The following NLRP5 variants were observed in gnomAD, a reference collection of about 807,000 sequenced individuals.
NLRP5 encodes NACHT, LRR and PYD domains-containing protein 5.
In NLRP5, 93 loss-of-function variants were observed where a neutral mutation model predicts 113.1. The observed-to-expected ratio is 0.82, with a 90% CI of 0.70 to 0.98. NLRP5 has a LOEUF of 0.98. Among genes scored for constraint, NLRP5 ranks in the 50% least tolerant of loss-of-function variants. NLRP5 has a pLI of 0.00. For synonymous variants in NLRP5, 751 were observed against 600.7 expected (o/e 1.25, Z -3.66); for missense variants, 1,808 against 1,514.3 (o/e 1.19, Z -3.22).
upstream of NLRP5, among the ~76,000 whole-genome samples, chr19:55,998,325 C>G (rs930257857): frequency 1.3e-5 from 2 of 152,076 alleles, no homozygotes; most frequent in African/African-American, 4.8e-5. Context: ...TCACCACACT[C>G]CAGCCTGAGG....
chr19:55,992,612 A>G, the NLRP5 span, among the ~76,000 whole-genome samples: 2 of 152,074 alleles, frequency 1.3e-5, no homozygotes, highest in African/African-American at 2.4e-5. Context: ...CCCATTGCCC[A>G]GTTTTGTAAA....
At chr19:56,046,776 C>G (rs56968568) in intron 11 of NLRP5, among the ~76,000 whole-genome samples, 7,345 of 152,252 alleles carry the variant, frequency 0.048, 282 homozygotes, top group African/African-American at 0.11. Flanking sequence ...TCGTGATCTG[C>G]CCGCCTCGGC....
intron 7 of NLRP5, among the ~76,000 whole-genome samples, chr19:56,031,271 C>G (rs1042646932): frequency 1.3e-5 from 2 of 152,142 alleles, no homozygotes; most frequent in Admixed American, 1.3e-4. Flanking sequence ...AACTCCATCT[C>G]CCCTGCTCCC....
chr19:56,011,477 T>C (rs1433537791), intron 3 of NLRP5, among the ~76,000 whole-genome samples: 1 of 152,168 alleles, frequency 6.6e-6, no homozygotes, highest in East Asian at 1.9e-4. Context: ...GTGAATTGTA[T>C]GATTTGTGAA....
rs779091654 is a variant in NLRP5, at chr19:56,027,028, G to A, written c.795G>A (p.Thr265=). ...CTGCTGACTGGCCGGAAATGCAAAC[G>A]TTGGCTGGTGCTTTTGATTCAGACC... Residue 265 remains threonine (T), a synonymous_variant, in exon 7 of 15, where the codon ACG becomes ACA. Coordinates refer to ENST00000390649, the MANE Select transcript of NLRP5 (RefSeq NM_153447.4). 8.4e-6 allele frequency: 13 copies of A among 1,552,258 alleles called. No individual in the cohort carries two copies. Among genetic ancestry groups the A allele is most frequent in the African/African-American group, 2.7e-5 (2 of 73,080 alleles).
chr19:56,026,527 C>CAAAAAAAAAA (rs375845864), intron 6 of NLRP5, among the ~76,000 whole-genome samples: 1 of 40,344 alleles, frequency 2.5e-5, no homozygotes, highest in Admixed American at 4.9e-4. Context: ...GACTCCATCT[C>CAAAAAAAAAA]AAAAAAAAAA....
chr19:56,020,760 G>A (rs953603924), intron 6 of NLRP5, among the ~76,000 whole-genome samples: 35 of 150,906 alleles, frequency 2.3e-4, no homozygotes, highest in African/African-American at 8.3e-4. Flanking sequence ...AAACTTAAGT[G>A]GTAGTAATTA....
chr19:56,052,391 C>T (rs1983965319), intron 12 of NLRP5, among the ~76,000 whole-genome samples: 1 of 152,142 alleles, frequency 6.6e-6, no homozygotes, highest in South Asian at 2.1e-4. Context: ...GCCTCAGCCT[C>T]CCGAGAAGCT....
intron 10 of NLRP5, among the ~76,000 whole-genome samples, chr19:56,040,717 C>T (rs976800289): frequency 6.6e-6 from 1 of 152,190 alleles, no homozygotes; most frequent in African/African-American, 2.4e-5. Context: ...TCTAATCACC[C>T]ACAATACTTA....
chr19:56,025,633 A>C (rs957593142), intron 6 of NLRP5, among the ~76,000 whole-genome samples: 5 of 151,796 alleles, frequency 3.3e-5, no homozygotes, highest in Non-Finnish European at 7.4e-5. Flanking sequence ...GATGGTCTCA[A>C]TCTCCTGACC....
rs374207664 is a variant in NLRP5, at chr19:56,021,236, A to G, written c.679+805A>G. ...ACCTTATGGAATGAAGATGAGTCTA[A>G]AGTGCTATAACTTTGCAGGATGATG... On this transcript the variant is annotated intron_variant, in intron 6 of 14. Transcript: ENST00000390649. Among the ~76,000 whole-genome samples the G allele has an allele frequency of 3.3e-5, 5 of 152,284 alleles. No individual in the cohort carries two copies. In the South Asian group the frequency reaches 6.2e-4, roughly 19 times the overall value.
chr19:55,989,464 G>T, the NLRP5 span, among the ~76,000 whole-genome samples: 2 of 152,162 alleles, frequency 1.3e-5, no homozygotes, highest in Admixed American at 6.5e-5. Context: ...TGTTGGCCGG[G>T]CTGGTCTCGA....
At chr19:56,060,651 G>C (rs1356517661) in intron 14 of NLRP5, among the ~76,000 whole-genome samples, 4 of 152,206 alleles carry the variant, frequency 2.6e-5, no homozygotes, top group Admixed American at 2.6e-4. Flanking sequence ...CTGCATCTTA[G>C]GACTGTTAGG....
chr19:56,010,735 T>C (rs2123280401), intron 3 of NLRP5, among the ~76,000 whole-genome samples: 2 of 18,548 alleles, frequency 1.1e-4, no homozygotes, highest in African/African-American at 2.8e-4. Context: ...AGAGCTTAAC[T>C]CTGTCTCAAA....
intron 9 of NLRP5, among the ~76,000 whole-genome samples, chr19:56,037,693 CAAA>C (rs11301032): frequency 1.6e-3 from 140 of 87,684 alleles, no homozygotes; most frequent in Middle Eastern, 6.9e-3. Context: ...GACCCTGTCT[CAAA>C]AAAAAAAAAA....
rs140172258 is a variant in NLRP5, at chr19:56,024,574, T to C, written c.680-2339T>C. 8.2e-3 allele frequency among the ~76,000 whole-genome samples: 1,069 copies of C among 130,890 alleles called. 6 individuals are homozygous for C. The highest frequency in any genetic ancestry group is 0.012 in the Admixed American group (152 of 13,050). 85.9% of individuals were successfully genotyped at this position (130,890 alleles called of 152,430 possible). A position where few individuals can be genotyped will look rare whatever the true frequency, so the allele number is the denominator to read the frequency against. ...ATGTGTATATATGTATATATACACA[T>C]ATATATACATACACACACACACACA... On this transcript the variant is annotated intron_variant, in intron 6 of 14. Transcript: ENST00000390649.
chr19:55,997,567 C>A (rs897470344), upstream of NLRP5, among the ~76,000 whole-genome samples: 2 of 152,126 alleles, frequency 1.3e-5, no homozygotes, highest in African/African-American at 4.8e-5. Flanking sequence ...CATGGTGGCT[C>A]ATACCTGTAA....
In NLRP5 at chr19:56,027,770, C is replaced by T. The variant is rs1345175754; in HGVS notation, c.1537C>T (p.Arg513Ter). 3.1e-6 allele frequency: 5 copies of T among 1,613,964 alleles called. No homozygotes were observed. Among genetic ancestry groups the T allele is most frequent in the East Asian group, 2.2e-5 (1 of 44,880 alleles). ...TTTTGTGTTTCATCAGCTCACCCCTCGAGGCGTGGTCCGGCGCTGTCTCAA... is the reference window on the plus strand; with the variant it reads ...TTTTGTGTTTCATCAGCTCACCCCTTGAGGCGTGGTCCGGCGCTGTCTCAA... The change falls in exon 7 of 15, where the codon CGA becomes TGA. Residue 513 changes from arginine (R) to a stop codon, truncating the protein, a stop_gained. Transcript: ENST00000390649. LOFTEE classifies it high-confidence loss of function.
At chr19:56,032,254 A>G (rs1314016463) in intron 7 of NLRP5, among the ~76,000 whole-genome samples, 1 of 151,984 alleles carries the variant, frequency 6.6e-6, no homozygotes, top group East Asian at 1.9e-4. Flanking sequence ...CTGAGGCAGG[A>G]GAATCGCTCG....
Sources: gnomAD v4.1 joint callset for allele counts (sites outside exome capture counted in the v4.1 genomes callset) on GRCh38, gnomAD v4.1.1 for gene constraint, MANE v1.5 for transcripts, NCBI Gene and HGNC (gene_info 2026-07-23, HGNC 2026-07-21) for gene names.